The following CTNNA3 variants were observed in gnomAD, a reference collection of about 807,000 sequenced individuals.
CTNNA3 encodes the protein catenin alpha 3.
In CTNNA3, 76 loss-of-function variants were observed where a neutral mutation model predicts 95.7. The observed-to-expected ratio is 0.79, with a 90% CI of 0.66 to 0.96. The LOEUF (loss-of-function observed/expected upper bound fraction) is 0.96. Ranked by LOEUF, CTNNA3 falls within the 40% of genes least tolerant of loss-of-function variation. The pLI, the probability that CTNNA3 is intolerant of heterozygous loss-of-function variation, is 0.00. For missense variants in CTNNA3, 1,191 were observed against 1,089.8 expected (o/e 1.09, Z -1.31); for synonymous variants, 431 against 374.4 (o/e 1.15, Z -1.74).
intron 5 of CTNNA3, among the ~76,000 whole-genome samples, chr10:67,333,642 C>T (rs559802789): frequency 3.9e-5 from 6 of 152,186 alleles, no homozygotes; most frequent in African/African-American, 1.4e-4. Context: ...AAATTTCATA[C>T]CCATGCTATT....
chr10:66,253,209 G>T (rs1037742823), intron 13 of CTNNA3, among the ~76,000 whole-genome samples: 3 of 152,102 alleles, frequency 2.0e-5, no homozygotes, highest in Admixed American at 6.5e-5. Context: ...CATCATCATA[G>T]CTGGTGGAAC....
At chr10:66,541,957 C>T (rs1454148889) in intron 10 of CTNNA3, among the ~76,000 whole-genome samples, 3 of 151,986 alleles carry the variant, frequency 2.0e-5, no homozygotes, top group African/African-American at 7.2e-5. Flanking sequence ...AGGCAACCTA[C>T]AAAATGGGAG....
intron 5 of CTNNA3, among the ~76,000 whole-genome samples, chr10:67,229,632 G>C (rs1220673870): frequency 1.3e-5 from 2 of 152,112 alleles, no homozygotes; most frequent in Non-Finnish European, 2.9e-5. Flanking sequence ...CCAGATAAAA[G>C]ATTAATATAC....
intron 15 of CTNNA3, among the ~76,000 whole-genome samples, chr10:66,028,832 C>T (rs181056522): frequency 6.6e-6 from 1 of 152,012 alleles, no homozygotes; most frequent in African/African-American, 2.4e-5. Flanking sequence ...ATAAAATTCT[C>T]CATACCAATA....
chr10:66,409,588 T>G (rs1008771370), intron 11 of CTNNA3, among the ~76,000 whole-genome samples: 1 of 152,126 alleles, frequency 6.6e-6, no homozygotes, highest in Non-Finnish European at 1.5e-5. Flanking sequence ...AATTTTAAAT[T>G]GGAAATGCTT....
At chr10:66,639,274 T>C (rs908285955) in intron 9 of CTNNA3, among the ~76,000 whole-genome samples, 1 of 152,160 alleles carries the variant, frequency 6.6e-6, no homozygotes, top group Non-Finnish European at 1.5e-5. Context: ...TAAGATAGTT[T>C]TGAAAAAAAC....
chr10:66,482,730 GTTTGT>G (rs772242980), intron 11 of CTNNA3, among the ~76,000 whole-genome samples: 8 of 152,194 alleles, frequency 5.3e-5, no homozygotes, highest in South Asian at 2.1e-4. Flanking sequence ...TACAGGCCTA[GTTTGT>G]TTTGTTTTGT....
chr10:66,438,746 A>G (rs1344376074), intron 11 of CTNNA3, among the ~76,000 whole-genome samples: 1 of 152,142 alleles, frequency 6.6e-6, no homozygotes, highest in Non-Finnish European at 1.5e-5. Context: ...AGGTATGAAA[A>G]AAACTCCTGC....
At chr10:67,340,205 G>A (rs1842134579) in intron 5 of CTNNA3, among the ~76,000 whole-genome samples, 1 of 152,004 alleles carries the variant, frequency 6.6e-6, no homozygotes, top group African/African-American at 2.4e-5. Flanking sequence ...GGATTTATAA[G>A]TTTGCTTATT....
At chr10:66,919,757 A>T (rs1392153779) in intron 7 of CTNNA3, among the ~76,000 whole-genome samples, 1 of 152,166 alleles carries the variant, frequency 6.6e-6, no homozygotes, top group East Asian at 1.9e-4. Flanking sequence ...GGGAAGTGTT[A>T]ATGCTCTGAT....
chr10:67,248,584 T>G (rs1319798801), intron 5 of CTNNA3, among the ~76,000 whole-genome samples: 2 of 151,796 alleles, frequency 1.3e-5, no homozygotes, highest in Non-Finnish European at 2.9e-5. Context: ...CTTGGCTGGT[T>G]TTTGCTTTTG....
intron 5 of CTNNA3, among the ~76,000 whole-genome samples, chr10:67,340,724 T>C (rs1026361962): frequency 1.3e-5 from 2 of 152,248 alleles, no homozygotes; most frequent in Admixed American, 6.5e-5. Context: ...ATTGAATGTA[T>C]CAAGTTGTTA....
At chr10:67,552,948 T>G (rs1420141610) in intron 3 of CTNNA3, among the ~76,000 whole-genome samples, 1 of 152,208 alleles carries the variant, frequency 6.6e-6, no homozygotes, top group Non-Finnish European at 1.5e-5. Context: ...GAGTGGATTC[T>G]TCATCAATTT....
chr10:67,716,897 A>G (rs1841147161), intron 1 of CTNNA3, among the ~76,000 whole-genome samples: 1 of 152,172 alleles, frequency 6.6e-6, no homozygotes, highest in South Asian at 2.1e-4. Flanking sequence ...GAATCGCCAC[A>G]CTGTCTTCCA....
chr10:67,720,145 T>C, intron 1 of CTNNA3, among the ~76,000 whole-genome samples: 1 of 102,814 alleles, frequency 9.7e-6, no homozygotes, highest in African/African-American at 3.7e-5. Context: ...TTTTTTTTTT[T>C]TTTTTTTGCT....
chr10:66,665,160 T>C (rs1846404899), intron 9 of CTNNA3, among the ~76,000 whole-genome samples: 1 of 152,110 alleles, frequency 6.6e-6, no homozygotes, highest in South Asian at 2.1e-4. Flanking sequence ...TCTCCCAGCT[T>C]CCCCAATTTC....
At chr10:66,861,012 G>T (rs2132411417) in intron 7 of CTNNA3, among the ~76,000 whole-genome samples, 1 of 152,212 alleles carries the variant, frequency 6.6e-6, no homozygotes, top group African/African-American at 2.4e-5. Flanking sequence ...GGGATACCCT[G>T]AAAATGTGGT....
At chr10:66,280,738 A>G in intron 12 of CTNNA3, 117 bp from the exon 13 acceptor site, 1 of 665,204 alleles carries the variant, frequency 1.5e-6, no homozygotes, top group Non-Finnish European at 2.4e-6. Context: ...TAGATCTTTA[A>G]TTGTATTTTT....
chr10:66,570,304 G>T (rs12780538), intron 10 of CTNNA3, among the ~76,000 whole-genome samples: 13,480 of 150,462 alleles, frequency 0.09, 1,246 homozygotes, highest in African/African-American at 0.22. Flanking sequence ...GTTTTGTTTT[G>T]TTTTGACAGA....
Sources: allele counts gnomAD v4.1 joint callset (sites outside exome capture counted in the v4.1 genomes callset), GRCh38; gene constraint gnomAD v4.1.1; transcripts MANE v1.5; gene names NCBI Gene and HGNC (gene_info 2026-07-23, HGNC 2026-07-21).